FGGY: variants seen among roughly 807,000 people sequenced by gnomAD.
FGGY encodes FGGY carbohydrate kinase domain-containing protein.
In FGGY, 72 loss-of-function variants were observed where a neutral mutation model predicts 71.3. The observed-to-expected ratio is 1.01, with a 90% CI of 0.84 to 1.23. The LOEUF (loss-of-function observed/expected upper bound fraction) is 1.23. Ranked by LOEUF, FGGY falls within the 50% of genes most tolerant of loss-of-function variation. The pLI is 0.00. For synonymous variants in FGGY, 251 were observed against 250.3 expected (o/e 1.00, Z -0.02); for missense variants, 668 against 682.3 (o/e 0.98, Z 0.23).
intron 5 of FGGY, among the ~76,000 whole-genome samples, chr1:59,454,031 C>A (rs902410468): frequency 2.6e-5 from 4 of 151,980 alleles, no homozygotes; most frequent in Non-Finnish European, 5.9e-5. Context: ...GAGAGAGAGC[C>A]ACGAGTTTAG....
chr1:59,425,725 T>C (rs56987018), intron 5 of FGGY, among the ~76,000 whole-genome samples: 33,344 of 152,086 alleles, frequency 0.22, 3,761 homozygotes, highest in African/African-American at 0.29. Context: ...GCCACCTCTG[T>C]TTCTTTTGGT....
At chr1:59,376,628 G>A (rs938655137) in intron 4 of FGGY, among the ~76,000 whole-genome samples, 18 of 152,324 alleles carry the variant, frequency 1.2e-4, no homozygotes, top group African/African-American at 3.6e-4. Context: ...ATTGGAAGGT[G>A]AAGCTGAGCA....
chr1:59,596,842 G>C (rs1240280961), intron 8 of FGGY, among the ~76,000 whole-genome samples: 1 of 152,152 alleles, frequency 6.6e-6, no homozygotes, highest in Non-Finnish European at 1.5e-5. Flanking sequence ...GGCAGCTAGG[G>C]AATGTAGGCT....
chr1:59,731,036 G>T (rs560780371), intron 14 of FGGY, among the ~76,000 whole-genome samples: 22 of 152,354 alleles, frequency 1.4e-4, no homozygotes, highest in Admixed American at 9.1e-4. Context: ...GAGCAAGTCG[G>T]CTTGAGGCCA....
At chr1:59,536,964 C>G (rs574621685) in intron 7 of FGGY, among the ~76,000 whole-genome samples, 40 of 152,076 alleles carry the variant, frequency 2.6e-4, no homozygotes, top group Middle Eastern at 3.4e-3. Context: ...TCTCACCACT[C>G]CTATTCAACA....
chr1:59,623,449 G>A (rs2096829007), intron 9 of FGGY, among the ~76,000 whole-genome samples: 1 of 152,146 alleles, frequency 6.6e-6, no homozygotes, highest in South Asian at 2.1e-4. Context: ...AGTGTGGTAA[G>A]TGCCACCAAG....
intron 5 of FGGY, among the ~76,000 whole-genome samples, chr1:59,425,395 T>A (rs1052181927): frequency 6.6e-6 from 1 of 152,168 alleles, no homozygotes; most frequent in Non-Finnish European, 1.5e-5. Flanking sequence ...AAATTGGAAA[T>A]GGATATTTGC....
At chr1:59,632,300 T>C (rs912130698) in intron 10 of FGGY, among the ~76,000 whole-genome samples, 8 of 152,210 alleles carry the variant, frequency 5.3e-5, no homozygotes, top group Non-Finnish European at 7.3e-5. Flanking sequence ...TAAGGAGATA[T>C]AGAGCATTGG....
chr1:59,408,435 T>C (rs1380170053), intron 5 of FGGY, among the ~76,000 whole-genome samples: 2 of 152,196 alleles, frequency 1.3e-5, no homozygotes, highest in Non-Finnish European at 2.9e-5. Context: ...AATGCCTTTG[T>C]AGACACTTTT....
At chr1:59,539,043 A>G (rs1434848105) in intron 7 of FGGY, among the ~76,000 whole-genome samples, 4 of 152,190 alleles carry the variant, frequency 2.6e-5, no homozygotes, top group African/African-American at 7.2e-5. Context: ...TTACAATAAA[A>G]TAAAAATATT....
intron 5 of FGGY, among the ~76,000 whole-genome samples, chr1:59,446,578 C>T (rs1327652621): frequency 6.6e-6 from 1 of 152,128 alleles, no homozygotes; most frequent in East Asian, 1.9e-4. Context: ...TTTGTTGATA[C>T]AATTAGCAAT....
At chr1:59,558,349 G>GT (rs1176418684) in intron 8 of FGGY, among the ~76,000 whole-genome samples, 16 of 152,108 alleles carry the variant, frequency 1.1e-4, no homozygotes, top group Non-Finnish European at 2.2e-4. Context: ...TCTATTTTCC[G>GT]TAAGTGTCAG....
rs1414987734 is a variant in FGGY, at chr1:59,358,018, T to C, written c.465+11620T>C. The stretch of plus-strand genomic sequence containing the variant: ...AATTCTTTTCTCATAGTGGCTAAAA[T>C]GGAAGTCACACTTACTGGAGGAAAA... On this transcript the variant is annotated intron_variant, in intron 4 of 15. Transcript: ENST00000303721. 2.6e-5 allele frequency among the ~76,000 whole-genome samples: 4 copies of C among 152,182 alleles called. No individual in the cohort carries two copies. The East Asian group carries it at 5.8e-4, about 22-fold the overall frequency.
intron 14 of FGGY, among the ~76,000 whole-genome samples, chr1:59,695,583 C>T (rs534355655): frequency 4.6e-5 from 7 of 152,276 alleles, no homozygotes; most frequent in East Asian, 1.9e-4. Flanking sequence ...ATAATCTTGA[C>T]GGCAATGAGC....
intron 5 of FGGY, among the ~76,000 whole-genome samples, chr1:59,409,232 G>A (rs1441456093): frequency 1.3e-5 from 2 of 152,308 alleles, no homozygotes; most frequent in East Asian, 3.9e-4. Flanking sequence ...GAAAAAAATT[G>A]ATAGAAGTTG....
rs375579058 is a variant in FGGY, at chr1:59,758,003, A to G, written c.1574+11A>G. On this transcript the variant is annotated intron_variant, in intron 15 of 15. Coordinates refer to ENST00000303721, the MANE Select transcript of FGGY (RefSeq NM_018291.5). ...ACTACAGGATAAAAAGTAAGTGTGT[A>G]TTTTTTATATGTACAGTGCTAAGGA... 6.2e-6 allele frequency: 10 copies of G among 1,603,210 alleles called. No homozygotes were observed. The highest frequency in any genetic ancestry group is 2.7e-5 in the African/African-American group (2 of 74,838).
rs192592853 is a variant in FGGY, at chr1:59,419,889, A to G, written c.555-37072A>G. Among the ~76,000 whole-genome samples the G allele has an allele frequency of 1.5e-3, 232 of 152,254 alleles. 1 individual carries two copies. The highest frequency in any genetic ancestry group is 4.3e-3 in the African/African-American group (179 of 41,548). On this transcript the variant is annotated intron_variant, in intron 5 of 15. Transcript: ENST00000303721. ...AGTACACAGCATATTTTCAAAGCCA[A>G]TTTTGCAAACAACTCTATGGTAAAT...
At chr1:59,525,486 CT>C (rs1199881581) in intron 7 of FGGY, among the ~76,000 whole-genome samples, 1 of 152,096 alleles carries the variant, frequency 6.6e-6, no homozygotes, top group East Asian at 1.9e-4. Flanking sequence ...AATAGTACCT[CT>C]TGCATAGATT....
chr1:59,711,123 G>A (rs1032460496), intron 14 of FGGY, among the ~76,000 whole-genome samples: 1 of 152,176 alleles, frequency 6.6e-6, no homozygotes, highest in Non-Finnish European at 1.5e-5. Flanking sequence ...AAAAAAGAAT[G>A]AGTTCATGTC....
Sources: allele counts gnomAD v4.1 joint callset (sites outside exome capture counted in the v4.1 genomes callset), GRCh38; gene constraint gnomAD v4.1.1; transcripts MANE v1.5; gene names NCBI Gene and HGNC (gene_info 2026-07-23, HGNC 2026-07-21).